IGSF3: variants seen among roughly 807,000 people sequenced by gnomAD.
The protein encoded by IGSF3 is immunoglobulin superfamily member 3.
IGSF3 carries 23 observed loss-of-function variants against 114.4 expected under a neutral mutation model. The observed-to-expected ratio is 0.20, with a 90% CI of 0.14 to 0.28. The LOEUF (loss-of-function observed/expected upper bound fraction) is 0.28. Ranked by LOEUF, IGSF3 falls within the 10% of genes least tolerant of loss-of-function variation. The probability of loss-of-function intolerance (pLI) is 1.00; values close to 1 mark genes in which losing one functional copy is unlikely to be tolerated. For missense variants in IGSF3, 1,172 were observed against 1,591.5 expected, an observed-to-expected ratio of 0.74 and a Z score of 4.48; for synonymous variants, 571 against 645.2, an observed-to-expected ratio of 0.88 and a Z score of 1.74.
intron 2 of IGSF3, among the ~76,000 whole-genome samples, chr1:116,621,859 TAACTA>T (rs1661430908): frequency 6.6e-6 from 1 of 152,182 alleles, no homozygotes; most frequent in South Asian, 2.1e-4. Flanking sequence ...TGATACCACT[TAACTA>T]GTTTTTCAAG....
chr1:116,645,393 T>C (rs73001873), intron 2 of IGSF3, among the ~76,000 whole-genome samples: 11 of 152,226 alleles, frequency 7.2e-5, no homozygotes, highest in Non-Finnish European at 1.3e-4. Flanking sequence ...AGGGAACTTT[T>C]TGGGGACAGA....
rs1659266685 is a variant in IGSF3 at position 116,574,732 on chromosome 1, G to C, written c.*2580C>G. 1 of 152,598 alleles carries C rather than the reference G, an allele frequency of 6.6e-6. No individual in the cohort carries two copies. The highest frequency in any genetic ancestry group is 2.1e-4 in the South Asian group (1 of 4,836). The allele number at this position is 152,598 out of a possible 1,614,324, so 9.5% of individuals were successfully genotyped here. On this transcript the variant is annotated 3_prime_UTR_variant, in exon 11 of 11. Transcript: ENST00000369486. The surrounding 1 kb of genome is among the most constrained non-coding windows in gnomAD (Gnocchi z 5.2). ...ATAGATGAATCCAGAGTATTCAGCA[G>C]TTTTCCTCCGTCTCAGAAGACTAAA...
chr1:116,626,352 G>C (rs897546340), intron 2 of IGSF3, among the ~76,000 whole-genome samples: 1 of 150,636 alleles, frequency 6.6e-6, no homozygotes, highest in Non-Finnish European at 1.5e-5. Flanking sequence ...CTTTCATTGA[G>C]TTATGATCCT....
rs1359569954 is a variant in IGSF3, at chr1:116,666,965, A to C, written c.-630-9T>G. ...CCAGCGCGAGCAGATTTCTAAAACA[A>C]ACACAACAGAGATTTTTATCAAAGG... On this transcript the variant is annotated splice_polypyrimidine_tract_variant and intron_variant, in intron 1 of 10. Coordinates refer to ENST00000369486, the MANE Select transcript of IGSF3 (RefSeq NM_001007237.3). 1 of 401,186 alleles carries C rather than the reference A, an allele frequency of 2.5e-6. No homozygotes were observed. Among genetic ancestry groups the C allele is most frequent in the African/African-American group, 2.1e-5 (1 of 48,644 alleles). 24.9% of individuals were successfully genotyped at this position (401,186 alleles called of 1,614,324 possible). A position where few individuals can be genotyped will look rare whatever the true frequency, so the allele number is the denominator to read the frequency against.
At chr1:116,591,177 G>A (rs1002795054) in intron 7 of IGSF3, among the ~76,000 whole-genome samples, 1 of 152,200 alleles carries the variant, frequency 6.6e-6, no homozygotes, top group Non-Finnish European at 1.5e-5. Context: ...CCCAAGCTCT[G>A]GAAACTAGAT....
In IGSF3 at chr1:116,628,298, T is replaced by C. The variant is rs1403486681; in HGVS notation, c.44-11841A>G. Among the ~76,000 whole-genome samples, 1 of 152,252 alleles carries C rather than the reference T, an allele frequency of 6.6e-6. No homozygotes were observed. Among genetic ancestry groups the C allele is most frequent in the Non-Finnish European group, 1.5e-5 (1 of 68,044 alleles). ...AGTTCCTTTACTCAGCCATAGTTTC[T>C]GTGCTCCAAATACTCAGCTTACACA... On this transcript the variant is annotated intron_variant, in intron 2 of 10. Transcript: ENST00000369486. The surrounding 1 kb of genome is among the most constrained non-coding windows in gnomAD (Gnocchi z 4.2).
chr1:116,630,865 A>G (rs1647541999), intron 2 of IGSF3, among the ~76,000 whole-genome samples: 1 of 152,140 alleles, frequency 6.6e-6, no homozygotes, highest in Non-Finnish European at 1.5e-5. Flanking sequence ...CTCAGCAGAG[A>G]GCAGCTCGAA....
intron 7 of IGSF3, among the ~76,000 whole-genome samples, chr1:116,590,448 C>T (rs1399119005): frequency 1.3e-5 from 2 of 152,162 alleles, no homozygotes; most frequent in Admixed American, 6.5e-5. Flanking sequence ...ACCTCCACCA[C>T]TCTCTTCACA....
chr1:116,589,023 T>C lies in IGSF3; in HGVS notation c.2111A>G (p.Lys704Arg). Residue 704 changes from lysine (K) to arginine (R), a missense_variant, in exon 8 of 11, where the codon AAG (lysine) becomes AGG (arginine). By Grantham distance (26) the Lys-to-Arg change is conservative. Transcript: ENST00000369486. The surrounding 1 kb of genome is among the most constrained non-coding windows in gnomAD (Gnocchi z 5.7). ...GTGGGAGTTCTGGCTAGTCTGAGACTTGACTGAGCAGTTCAACTGAATGGG... is the reference window on the plus strand; with the variant it reads ...GTGGGAGTTCTGGCTAGTCTGAGACCTGACTGAGCAGTTCAACTGAATGGG... ...NKPIQLNCSV[K>R]SQTSQNSHFA... The C allele has an allele frequency of 6.2e-7, 1 of 1,614,204 alleles. No homozygotes were observed. Among genetic ancestry groups the C allele is most frequent in the Non-Finnish European group, 8.5e-7 (1 of 1,180,016 alleles).
chr1:116,593,784 C>T lies in IGSF3; in HGVS notation c.2030-4680G>A, dbSNP rs958975893. ...GCCCACGGCTGCCCACCCCACAGCC[C>T]GTGACAGCAGTTCTCAATAAGGCAG... On this transcript the variant is annotated intron_variant, in intron 7 of 10. Coordinates refer to ENST00000369486, the MANE Select transcript of IGSF3 (RefSeq NM_001007237.3). The surrounding 1 kb of genome is among the most constrained non-coding windows in gnomAD (Gnocchi z 4.5). Among the ~76,000 whole-genome samples, 183 of 152,274 alleles carry T rather than the reference C, an allele frequency of 1.2e-3. No individual in the cohort carries two copies. Among genetic ancestry groups the T allele is most frequent in the Non-Finnish European group, 1.9e-3 (129 of 68,024 alleles).
In IGSF3 at chr1:116,655,356, A is replaced by T. The variant is rs1365661237; in HGVS notation, c.43+10928T>A. Among the ~76,000 whole-genome samples, 1 of 152,246 alleles carries T rather than the reference A, an allele frequency of 6.6e-6. No individual in the cohort carries two copies. The highest frequency in any genetic ancestry group is 2.4e-5 in the African/African-American group (1 of 41,468). ...TGATGTTTAAGAAGGGATGACTATGACACATGAATCCCACAGCCATCTCTC... is the reference window on the plus strand; with the variant it reads ...TGATGTTTAAGAAGGGATGACTATGTCACATGAATCCCACAGCCATCTCTC... On this transcript the variant is annotated intron_variant, in intron 2 of 10. Coordinates refer to ENST00000369486, the MANE Select transcript of IGSF3 (RefSeq NM_001007237.3). The surrounding 1 kb of genome is among the most constrained non-coding windows in gnomAD (Gnocchi z 4.3).
Position 116,576,599 on chromosome 1 carries a change from T to C in IGSF3, c.*713A>G, listed in dbSNP as rs1242696643. On this transcript the variant is annotated 3_prime_UTR_variant, in exon 11 of 11. Transcript: ENST00000369486. The surrounding 1 kb of genome is among the most constrained non-coding windows in gnomAD (Gnocchi z 4.6). ...AAGCCTTTTTTGCCTCCCTGACAGA[T>C]AGGCCGGGCACCATCTACTCCTAAT... 6.6e-6 allele frequency: 1 copy of C among 152,670 alleles called. No homozygotes were observed. Among genetic ancestry groups the C allele is most frequent in the African/African-American group, 2.4e-5 (1 of 41,466 alleles). The allele number at this position is 152,670 out of a possible 1,614,324, so 9.5% of individuals were successfully genotyped here.
intron 2 of IGSF3, among the ~76,000 whole-genome samples, chr1:116,656,820 C>T (rs1332098723): frequency 2.6e-5 from 4 of 151,898 alleles, no homozygotes; most frequent in Admixed American, 6.6e-5. Context: ...CCCAGCTACT[C>T]GGGAGGCTAA....
intron 2 of IGSF3, among the ~76,000 whole-genome samples, chr1:116,645,786 G>A (rs1648340388): frequency 6.6e-6 from 1 of 152,208 alleles, no homozygotes; most frequent in Non-Finnish European, 1.5e-5. Context: ...TGGCTCTAAT[G>A]ATCCACAAAC....
rs1244604613 is a variant in IGSF3, at chr1:116,592,897, A to T, written c.2030-3793T>A. On this transcript the variant is annotated intron_variant, in intron 7 of 10. Transcript: ENST00000369486. This position sits in a 1 kb window ranked among gnomAD's most constrained non-coding sequence, Gnocchi z 4.5. ...AGGGGCAATTCTGATTTTGATAGAA[A>T]AGAGAACATTTCAAAAGGTATATGG... is the stretch of plus-strand genomic sequence containing the variant. Among the ~76,000 whole-genome samples, 1 of 152,208 alleles carries T rather than the reference A, an allele frequency of 6.6e-6. No homozygotes were observed. The highest frequency in any genetic ancestry group is 1.5e-5 in the Non-Finnish European group (1 of 68,046).
rs1172410066 is a variant in IGSF3, at chr1:116,596,520, A to C, written c.2029+3421T>G. On this transcript the variant is annotated intron_variant, in intron 7 of 10. Coordinates refer to ENST00000369486, the MANE Select transcript of IGSF3 (RefSeq NM_001007237.3). This position sits in a 1 kb window ranked among gnomAD's most constrained non-coding sequence, Gnocchi z 4.1. ...GATAAAACTTCTACACCATCAGCAA[A>C]CTGTGTCTTGAGGAACCTCTACCAA... Among the ~76,000 whole-genome samples the C allele has an allele frequency of 6.6e-6, 1 of 152,196 alleles. No homozygotes were observed. Among genetic ancestry groups the C allele is most frequent in the African/African-American group, 2.4e-5 (1 of 41,446 alleles).
In IGSF3 at chr1:116,654,386, T is replaced by A. The variant is rs115077965; in HGVS notation, c.43+11898A>T. ...TTGGCTACCCAGGAGGTCACCAGTG[T>A]CTCTGAGAAAAGTGCAGATCAATGC... On this transcript the variant is annotated intron_variant, in intron 2 of 10. Transcript: ENST00000369486. This position sits in a 1 kb window ranked among gnomAD's most constrained non-coding sequence, Gnocchi z 4.4. 0.058 allele frequency among the ~76,000 whole-genome samples: 8,846 copies of A among 152,250 alleles called. 837 individuals are homozygous for A. Among genetic ancestry groups the A allele is most frequent in the African/African-American group, 0.2 (8,347 of 41,532 alleles).
chr1:116,649,415 TTTTCAAATGAATTCAACGCCTCA>T lies in IGSF3; in HGVS notation c.43+16846_43+16868del, dbSNP rs1247298712. Among the ~76,000 whole-genome samples the T allele has an allele frequency of 3.3e-5, 5 of 152,212 alleles. No homozygotes were observed. Among genetic ancestry groups the T allele is most frequent in the African/African-American group, 7.2e-5 (3 of 41,454 alleles). The stretch of plus-strand genomic sequence containing the variant: ...CTCTCATTCCCAAAGTCTAGCCCTA[TTTTCAAATGAATTCAACGCCTCA>T]TTACTTAGATCTTTCCTCATTACCT... On this transcript the variant is annotated intron_variant, in intron 2 of 10. Coordinates refer to ENST00000369486, the MANE Select transcript of IGSF3 (RefSeq NM_001007237.3). This position sits in a 1 kb window ranked among gnomAD's most constrained non-coding sequence, Gnocchi z 4.5.
In IGSF3 at chr1:116,628,730, T is replaced by C. The variant is rs1365444550; in HGVS notation, c.44-12273A>G. ...ACGTATGATAATAATGGATGGCCGC[T>C]CCTTCCCCCTCAGCTTTGACTTTCA... On this transcript the variant is annotated intron_variant, in intron 2 of 10. Transcript: ENST00000369486. The surrounding 1 kb of genome is among the most constrained non-coding windows in gnomAD (Gnocchi z 4.2). 1.3e-5 allele frequency among the ~76,000 whole-genome samples: 2 copies of C among 152,226 alleles called. No individual in the cohort carries two copies. The highest frequency in any genetic ancestry group is 2.4e-5 in the African/African-American group (1 of 41,456).
Sources: allele counts gnomAD v4.1 joint callset (sites outside exome capture counted in the v4.1 genomes callset), GRCh38; gene constraint gnomAD v4.1.1; non-coding constraint Gnocchi (gnomAD v3.1); transcripts MANE v1.5; gene names NCBI Gene and HGNC (gene_info 2026-07-23, HGNC 2026-07-21).